Variants in SYT16 observed in about 807,000 individuals in gnomAD.
SYT16 encodes synaptotagmin-16.
Under a neutral mutation model 61.4 loss-of-function variants are expected in SYT16, and 42 were observed. The observed-to-expected ratio is 0.68, with a 90% CI of 0.53 to 0.89. The LOEUF (loss-of-function observed/expected upper bound fraction) is 0.89, where lower values mean the gene tolerates loss of function less well. SYT16 is among the 40% of genes least tolerant of loss of function. The pLI is 0.00. For missense variants in SYT16, 804 were observed against 807.3 expected, an observed-to-expected ratio of 1.00 and a Z score of 0.05; for synonymous variants, 314 against 302.3, an observed-to-expected ratio of 1.04 and a Z score of -0.40.
At chr14:62,085,440 C>T (rs1004461576) in intron 7 of SYT16, among the ~76,000 whole-genome samples, 4 of 152,116 alleles carry the variant, frequency 2.6e-5, no homozygotes, top group Middle Eastern at 3.2e-3. Flanking sequence ...GGAGCCTGCC[C>T]ACCATGGGCA....
chr14:62,087,928 A>C (rs1261833966), intron 7 of SYT16, among the ~76,000 whole-genome samples: 1 of 152,184 alleles, frequency 6.6e-6, no homozygotes, highest in Non-Finnish European at 1.5e-5. Context: ...GGCTCCAACC[A>C]GAGCCTCCAC....
chr14:61,859,013 C>T, intron 1 of SYT16, among the ~76,000 whole-genome samples: 1 of 144,992 alleles, frequency 6.9e-6, no homozygotes, highest in African/African-American at 2.7e-5. Context: ...CACCACTACG[C>T]CCGGCTAATT....
chr14:62,064,027 T>C (rs1320935027), intron 3 of SYT16, among the ~76,000 whole-genome samples: 1 of 152,178 alleles, frequency 6.6e-6, no homozygotes, highest in Non-Finnish European at 1.5e-5. Context: ...TTTACGATAA[T>C]TGTGTAACTT....
chr14:61,839,734 A>T (rs948789818), intron 1 of SYT16, among the ~76,000 whole-genome samples: 1 of 152,136 alleles, frequency 6.6e-6, no homozygotes. Context: ...ATCGTAATTT[A>T]TTTTTTAGGC....
At chr14:62,042,695 GTA>G (rs2054784207) in intron 3 of SYT16, among the ~76,000 whole-genome samples, 1 of 152,144 alleles carries the variant, frequency 6.6e-6, no homozygotes, top group Non-Finnish European at 1.5e-5. Context: ...CTCAAATACT[GTA>G]TATCTCTGGA....
chr14:61,848,422 G>A lies in SYT16; in HGVS notation c.-325+35612G>A, dbSNP rs2046507522. On this transcript the variant is annotated intron_variant, in intron 1 of 7. Transcript: ENST00000683842. Reference sequence around the variant, plus strand: ...TTCCTTACTTTCTCCAAAACAAAAGGAGTCTCTCTCTCTCTCTCTGTGCTG... The same window carrying A: ...TTCCTTACTTTCTCCAAAACAAAAGAAGTCTCTCTCTCTCTCTCTGTGCTG... Among the ~76,000 whole-genome samples the A allele has an allele frequency of 2.1e-5, 3 of 145,872 alleles. No homozygotes were observed. In the South Asian group the frequency reaches 6.4e-4, roughly 31 times the overall value.
At chr14:61,915,083 T>C (rs2049069263) in intron 1 of SYT16, among the ~76,000 whole-genome samples, 2 of 152,158 alleles carry the variant, frequency 1.3e-5, no homozygotes, top group African/African-American at 4.8e-5. Flanking sequence ...TTTCATGGAT[T>C]TGTAGTTTGA....
chr14:61,995,431 C>T (rs1291563647), intron 2 of SYT16, among the ~76,000 whole-genome samples: 1 of 152,070 alleles, frequency 6.6e-6, no homozygotes, highest in Non-Finnish European at 1.5e-5. Context: ...TTTTTAATTC[C>T]AGACACATAC....
chr14:62,047,119 G>A (rs1250675341), intron 3 of SYT16, among the ~76,000 whole-genome samples: 1 of 151,768 alleles, frequency 6.6e-6, no homozygotes, highest in African/African-American at 2.4e-5. Context: ...TCATTGTATT[G>A]TATCTTGTAT....
At chr14:61,893,207 C>G (rs1332794746) in intron 1 of SYT16, among the ~76,000 whole-genome samples, 2 of 152,198 alleles carry the variant, frequency 1.3e-5, no homozygotes, top group Non-Finnish European at 2.9e-5. Flanking sequence ...TTGGGGAGCA[C>G]ACAGCATTGT....
intron 1 of SYT16, among the ~76,000 whole-genome samples, chr14:61,818,405 C>A (rs1256684407): frequency 6.6e-6 from 1 of 152,090 alleles, no homozygotes; most frequent in South Asian, 2.1e-4. Flanking sequence ...AGCAGCCAGG[C>A]GCGGTGGCTC....
chr14:61,974,443 C>T (rs1400654682), intron 2 of SYT16, among the ~76,000 whole-genome samples: 1 of 152,180 alleles, frequency 6.6e-6, no homozygotes, highest in African/African-American at 2.4e-5. Context: ...AAGGGCCCTG[C>T]ATTTTCATTT....
At chr14:61,980,908 TAGGG>T (rs2052042077) in intron 2 of SYT16, among the ~76,000 whole-genome samples, 1 of 151,932 alleles carries the variant, frequency 6.6e-6, no homozygotes, top group African/African-American at 2.4e-5. Flanking sequence ...GGAGCTCTAT[TAGGG>T]AGAGTTTTTC....
intron 1 of SYT16, among the ~76,000 whole-genome samples, chr14:61,938,026 A>AACACACACACACACAC (rs3071213): frequency 0.31 from 41,738 of 135,302 alleles, 7,576 homozygotes; most frequent in South Asian, 0.39. Context: ...CCTACCCCGC[A>AACACACACACACACAC]ACACACACAC....
At position 61,996,185 on chromosome 14, in the gene SYT16, G is replaced by A. The variant is rs867225521; in HGVS notation, c.166G>A (p.Asp56Asn). The A allele has an allele frequency of 6.2e-7, 1 of 1,613,446 alleles. No individual in the cohort carries two copies. Among genetic ancestry groups the A allele is most frequent in the African/African-American group, 1.3e-5 (1 of 74,976 alleles). The change falls in exon 3 of 8, where the codon GAC becomes AAC. Residue 56 changes from aspartate to asparagine, a missense_variant. Asp to Asn is a conservative substitution (Grantham distance 23). Coordinates refer to ENST00000683842, the MANE Select transcript of SYT16 (RefSeq NM_001367656.1). ...TAAATTGAGTGACAAACTAGATCAGGACTTAGATAATATTCAGATTCAGGA... is the reference window on the plus strand; with the variant it reads ...TAAATTGAGTGACAAACTAGATCAGAACTTAGATAATATTCAGATTCAGGA... ...DSKLSDKLDQDLDNIQIQETY... is the reference protein window; with the variant it reads ...DSKLSDKLDQNLDNIQIQETY...
intron 4 of SYT16, 53 bp from the exon 5 acceptor site, chr14:62,075,081 TA>T: frequency 1.3e-6 from 2 of 1,532,490 alleles, no homozygotes; most frequent in South Asian, 1.2e-5. Context: ...TTTCTCTAGG[TA>T]AAAAGGTGTT....
At chr14:62,004,225 C>T (rs1386372749) in intron 3 of SYT16, among the ~76,000 whole-genome samples, 1 of 152,158 alleles carries the variant, frequency 6.6e-6, no homozygotes, top group Non-Finnish European at 1.5e-5. Flanking sequence ...GCACATCTTA[C>T]ATGGCAACAG....
intron 1 of SYT16, among the ~76,000 whole-genome samples, chr14:61,937,021 T>C (rs1668051419): frequency 6.6e-6 from 1 of 152,196 alleles, no homozygotes; most frequent in South Asian, 2.1e-4. Flanking sequence ...GAACTTGTCT[T>C]ACAGACAGCA....
intron 3 of SYT16, among the ~76,000 whole-genome samples, chr14:62,057,776 C>G (rs966483206): frequency 2.0e-5 from 3 of 152,068 alleles, no homozygotes; most frequent in Non-Finnish European, 4.4e-5. Flanking sequence ...CTTAAAAAAA[C>G]TCCATTGAGG....
Sources: allele counts gnomAD v4.1 joint callset (sites outside exome capture counted in the v4.1 genomes callset), GRCh38; gene constraint gnomAD v4.1.1; transcripts MANE v1.5; gene names NCBI Gene and HGNC (gene_info 2026-07-23, HGNC 2026-07-21).